Variants in UGT1A8 observed in about 807,000 individuals in gnomAD.
UGT1A8 encodes UDP-glucuronosyltransferase 1A8.
In UGT1A8, 39 loss-of-function variants were observed where a neutral mutation model predicts 45.3. The ratio of observed to expected loss-of-function variants is 0.86; its 90% CI spans 0.67 to 1.12. The LOEUF (loss-of-function observed/expected upper bound fraction) is 1.12, where lower values mean the gene tolerates loss of function less well. Ranked by LOEUF, UGT1A8 falls within the 50% of genes most tolerant of loss-of-function variation. The pLI, the probability that UGT1A8 is intolerant of heterozygous loss-of-function variation, is 0.00. For synonymous variants in UGT1A8, 275 were observed against 249.2 expected, an observed-to-expected ratio of 1.10 and a Z score of -0.97; for missense variants, 719 against 664.9, an observed-to-expected ratio of 1.08 and a Z score of -0.90.
intron 1 of UGT1A8, chr2:233,636,679 C>A (rs1412374840): frequency 6.2e-7 from 1 of 1,613,992 alleles, no homozygotes; most frequent in Non-Finnish European, 8.5e-7. Context: ...CCTCAGGGGG[C>A]ATGAGGTGGT....
intron 1 of UGT1A8, among the ~76,000 whole-genome samples, chr2:233,724,404 G>C (rs1202271642): frequency 1.4e-5 from 2 of 140,508 alleles, no homozygotes; most frequent in African/African-American, 2.7e-5. Flanking sequence ...CTTCCCAGAT[G>C]GGGTGGCTGC....
chr2:233,643,646 G>A (rs1121395), intron 1 of UGT1A8, among the ~76,000 whole-genome samples: 36,541 of 151,928 alleles, frequency 0.24, 4,865 homozygotes, highest in East Asian at 0.51. Flanking sequence ...ATCACAGCTG[G>A]GAATGTGCTG....
chr2:233,650,241 A>G (rs1324622518), intron 1 of UGT1A8, among the ~76,000 whole-genome samples: 1 of 152,194 alleles, frequency 6.6e-6, no homozygotes, highest in Admixed American at 6.5e-5. Flanking sequence ...AAGTGCTGGG[A>G]TTACAGGTGT....
intron 1 of UGT1A8, chr2:233,682,085 C>T (rs772240265): frequency 1.4e-5 from 23 of 1,613,958 alleles, no homozygotes; most frequent in Non-Finnish European, 5.9e-6. Flanking sequence ...GAAACTCATC[C>T]TCAGGGGGCA....
Position 233,773,095 on chromosome 2 carries a change from A to C in UGT1A8, c.*536A>C. On this transcript the variant is annotated 3_prime_UTR_variant, in exon 5 of 5. Coordinates refer to ENST00000373450, the MANE Select transcript of UGT1A8 (RefSeq NM_019076.5). ...ATGAATGGCTTGGAGTGCACTGAGA[A>C]CAGCATATGATTTCTTGCTTTGGGG... 6.3e-6 allele frequency: 1 copy of C among 159,994 alleles called. No individual in the cohort carries two copies. Among genetic ancestry groups the C allele is most frequent in the Non-Finnish European group, 1.4e-5 (1 of 71,916 alleles). The allele number at this position is 159,994 out of a possible 1,614,324, so 9.9% of individuals were successfully genotyped here. A position where few individuals can be genotyped will look rare whatever the true frequency, so the allele number is the denominator to read the frequency against.
At chr2:233,632,773 G>C (rs943066991) in intron 1 of UGT1A8, among the ~76,000 whole-genome samples, 3 of 152,176 alleles carry the variant, frequency 2.0e-5, no homozygotes, top group African/African-American at 7.2e-5. Flanking sequence ...CATGTCATCT[G>C]CAAACAGAGA....
rs1215128625 is a variant in UGT1A8, at chr2:233,769,761, G to A, written c.1295+1322G>A. ...TCCCAGCCACTCTGGAGGCTAAGGC[G>A]GGAGGATTGCTTGAGCCCAGAAGTT... is the stretch of plus-strand genomic sequence containing the variant. On this transcript the variant is annotated intron_variant, in intron 4 of 4. Transcript: ENST00000373450. This position sits in a 1 kb window ranked among gnomAD's most constrained non-coding sequence, Gnocchi z 4.4. The A allele has an allele frequency of 1.3e-5, 18 of 1,414,110 alleles. No homozygotes were observed. In the South Asian group the frequency reaches 1.6e-4, roughly 12 times the overall value. The allele number at this position is 1,414,110 out of a possible 1,614,324, so 87.6% of individuals were successfully genotyped here. A position where few individuals can be genotyped will look rare whatever the true frequency, so the allele number is the denominator to read the frequency against.
chr2:233,675,644 T>G (rs139206204), intron 1 of UGT1A8, among the ~76,000 whole-genome samples: 12 of 152,286 alleles, frequency 7.9e-5, no homozygotes, highest in African/African-American at 2.2e-4. Flanking sequence ...TTTTCAAAGT[T>G]TTCAAACATA....
chr2:233,651,318 C>A lies in UGT1A8; in HGVS notation c.855+32756C>A, dbSNP rs370088964. On this transcript the variant is annotated intron_variant, in intron 1 of 4. Coordinates refer to ENST00000373450, the MANE Select transcript of UGT1A8 (RefSeq NM_019076.5). The stretch of plus-strand genomic sequence containing the variant: ...GGTCACCCAGAGGGCTTCCGAGATA[C>A]GGAAAGCTATGTGTGATTTTATATC... 6.3e-4 allele frequency among the ~76,000 whole-genome samples: 96 copies of A among 152,062 alleles called. 1 individual carries two copies. Among genetic ancestry groups the A allele is most frequent in the African/African-American group, 2.0e-3 (83 of 41,484 alleles).
At chr2:233,671,585 G>T (rs2074193042) in intron 1 of UGT1A8, among the ~76,000 whole-genome samples, 1 of 152,170 alleles carries the variant, frequency 6.6e-6, no homozygotes, top group African/African-American at 2.4e-5. Flanking sequence ...AAAAAAATTA[G>T]CTTTAATCAA....
At chr2:233,736,129 C>T (rs1342525858) in intron 1 of UGT1A8, among the ~76,000 whole-genome samples, 3 of 152,224 alleles carry the variant, frequency 2.0e-5, no homozygotes, top group South Asian at 2.1e-4. Flanking sequence ...CCATTCTCCG[C>T]ATCACTTTCA....
intron 1 of UGT1A8, among the ~76,000 whole-genome samples, chr2:233,709,707 T>G (rs1363464719): frequency 6.6e-6 from 1 of 152,230 alleles, no homozygotes; most frequent in East Asian, 1.9e-4. Flanking sequence ...TGTTCTTTTT[T>G]AATTGAATGA....
chr2:233,761,777 C>T (rs1456855794), intron 1 of UGT1A8, among the ~76,000 whole-genome samples: 1 of 152,206 alleles, frequency 6.6e-6, no homozygotes, highest in Non-Finnish European at 1.5e-5. Context: ...TTCACATCCT[C>T]ATCGAAATCT....
chr2:233,627,078 TA>T (rs2073097473), intron 1 of UGT1A8, among the ~76,000 whole-genome samples: 1 of 152,106 alleles, frequency 6.6e-6, no homozygotes, highest in Non-Finnish European at 1.5e-5. Flanking sequence ...TGACTGCATT[TA>T]CACAAAACAG....
chr2:233,693,072 T>C, intron 1 of UGT1A8: 3 of 1,614,192 alleles, frequency 1.9e-6, no homozygotes, highest in Non-Finnish European at 2.5e-6. Flanking sequence ...CTTTGGGGCA[T>C]GGTTGTAGGT....
intron 1 of UGT1A8, chr2:233,691,124 A>G (rs1305698863): frequency 2.0e-6 from 2 of 985,838 alleles, no homozygotes; most frequent in African/African-American, 3.5e-5. Context: ...TGCTTAAGCC[A>G]TTCTTCCTCT....
In UGT1A8 at chr2:233,662,267, A is replaced by G. The variant is rs1163041813; in HGVS notation, c.855+43705A>G. The stretch of plus-strand genomic sequence containing the variant: ...AATGATAAAATAGACTCGTTGCTAT[A>G]TATATTTTAGGCATTCCTGACATAC... On this transcript the variant is annotated intron_variant, in intron 1 of 4. Coordinates refer to ENST00000373450, the MANE Select transcript of UGT1A8 (RefSeq NM_019076.5). Among the ~76,000 whole-genome samples the G allele has an allele frequency of 3.3e-5, 5 of 152,152 alleles. No individual in the cohort carries two copies. The East Asian group carries it at 9.6e-4, about 29-fold the overall frequency.
At chr2:233,683,772 C>T (rs2074650079) in intron 1 of UGT1A8, among the ~76,000 whole-genome samples, 1 of 152,024 alleles carries the variant, frequency 6.6e-6, no homozygotes, top group Non-Finnish European at 1.5e-5. Flanking sequence ...TAATGTACTG[C>T]TTTGAGTTTT....
chr2:233,671,144 C>T (rs2074179864), intron 1 of UGT1A8, among the ~76,000 whole-genome samples: 2 of 152,170 alleles, frequency 1.3e-5, no homozygotes, highest in Admixed American at 1.3e-4. Context: ...TACATATTTT[C>T]CTGAAGGAGG....
Sources: allele counts gnomAD v4.1 joint callset (sites outside exome capture counted in the v4.1 genomes callset), GRCh38; gene constraint gnomAD v4.1.1; non-coding constraint Gnocchi (gnomAD v3.1); transcripts MANE v1.5; gene names NCBI Gene and HGNC (gene_info 2026-07-23, HGNC 2026-07-21).